Variants in FOXP2 observed in about 807,000 individuals in gnomAD.
The protein encoded by FOXP2 is forkhead box protein P2.
Under a neutral mutation model 115.8 loss-of-function variants are expected in FOXP2, and 12 were observed. The observed-to-expected ratio is 0.10, with a 90% CI of 0.07 to 0.17. The LOEUF is 0.17. Ranked by LOEUF, FOXP2 falls within the 10% of genes least tolerant of loss-of-function variation. The probability of loss-of-function intolerance (pLI) is 1.00; values close to 1 mark genes in which losing one functional copy is unlikely to be tolerated. For synonymous variants in FOXP2, 328 were observed against 297.7 expected (o/e 1.10, Z -1.05); for missense variants, 629 against 843.5 (o/e 0.75, Z 3.15).
intron 5 of FOXP2, 143 bp downstream of exon 5, chr7:114,630,148 C>A: frequency 1.4e-6 from 2 of 1,398,810 alleles, no homozygotes; most frequent in South Asian, 1.2e-5. Flanking sequence ...AGCTTAGTAA[C>A]AGTGATAGGC....
At chr7:114,301,153 A>G (rs1216581160) in intron 2 of FOXP2, among the ~76,000 whole-genome samples, 1 of 152,090 alleles carries the variant, frequency 6.6e-6, no homozygotes, top group Non-Finnish European at 1.5e-5. Flanking sequence ...TTAACAGCCA[A>G]AAAGAGTGAT....
At chr7:114,390,023 CAAAA>C (rs11311566) in intron 2 of FOXP2, among the ~76,000 whole-genome samples, 1 of 93,186 alleles carries the variant, frequency 1.1e-5, no homozygotes, top group Admixed American at 1.4e-4. Flanking sequence ...CATTCAGTGT[CAAAA>C]AAAAAAAAAA....
intron 2 of FOXP2, among the ~76,000 whole-genome samples, chr7:114,328,941 G>C (rs1797628123): frequency 6.6e-6 from 1 of 152,132 alleles, no homozygotes; most frequent in Admixed American, 6.5e-5. Flanking sequence ...ACATTATGCT[G>C]ATGACCATGA....
chr7:114,353,719 T>C (rs562411805), intron 2 of FOXP2, among the ~76,000 whole-genome samples: 3 of 152,248 alleles, frequency 2.0e-5, no homozygotes, highest in Admixed American at 6.5e-5. Context: ...GATGTCTTTC[T>C]ACTCCTCCTC....
At chr7:114,181,656 T>C (rs1345267024) in intron 1 of FOXP2, among the ~76,000 whole-genome samples, 2 of 152,068 alleles carry the variant, frequency 1.3e-5, no homozygotes, top group Admixed American at 6.6e-5. Context: ...ATTTGAACTT[T>C]CACATGTCCA....
chr7:114,116,060 G>A (rs1791399853), intron 1 of FOXP2, among the ~76,000 whole-genome samples: 2 of 152,004 alleles, frequency 1.3e-5, no homozygotes, highest in Non-Finnish European at 2.9e-5. Context: ...AAGACTACTG[G>A]TTATATATTT....
chr7:114,212,016 T>A (rs947850990), intron 1 of FOXP2, among the ~76,000 whole-genome samples: 2 of 151,636 alleles, frequency 1.3e-5, no homozygotes, highest in African/African-American at 2.4e-5. Context: ...GGGGTTGCAG[T>A]GAGCTGAGAT....
At chr7:114,479,839 T>G (rs780915708) in intron 2 of FOXP2, among the ~76,000 whole-genome samples, 1 of 151,538 alleles carries the variant, frequency 6.6e-6, no homozygotes, top group Non-Finnish European at 1.5e-5. Context: ...TTACCAATTG[T>G]TAACTAATGA....
intron 2 of FOXP2, among the ~76,000 whole-genome samples, chr7:114,350,031 A>G (rs1021563679): frequency 2.6e-5 from 4 of 152,196 alleles, no homozygotes; most frequent in Non-Finnish European, 4.4e-5. Context: ...TCTATGTAGC[A>G]CTATATAACA....
intron 1 of FOXP2, among the ~76,000 whole-genome samples, chr7:114,234,824 TGTC>T (rs1794968849): frequency 6.6e-6 from 1 of 152,226 alleles, no homozygotes; most frequent in Non-Finnish European, 1.5e-5. Context: ...TCTTTTCTCT[TGTC>T]GTAGATCATA....
intron 1 of FOXP2, among the ~76,000 whole-genome samples, chr7:114,167,123 C>T (rs1053178938): frequency 6.6e-6 from 1 of 152,182 alleles, no homozygotes; most frequent in Non-Finnish European, 1.5e-5. Flanking sequence ...CACACAAAAA[C>T]TTGCACTAGA....
At chr7:114,248,709 C>T (rs1298616761) in intron 1 of FOXP2, among the ~76,000 whole-genome samples, 1 of 152,010 alleles carries the variant, frequency 6.6e-6, no homozygotes, top group Non-Finnish European at 1.5e-5. Context: ...TGGGGTTGAC[C>T]GTTTAGTAGA....
intron 2 of FOXP2, among the ~76,000 whole-genome samples, chr7:114,399,109 TTTTTC>T (rs949501160): frequency 6.0e-5 from 6 of 100,090 alleles, no homozygotes; most frequent in Admixed American, 1.2e-4. Flanking sequence ...TTTCTTTTTC[TTTTTC>T]TTTTTTTTTT....
At chr7:114,616,840 C>T (rs531545523) in intron 3 of FOXP2, among the ~76,000 whole-genome samples, 16 of 152,198 alleles carry the variant, frequency 1.1e-4, no homozygotes, top group African/African-American at 3.4e-4. Flanking sequence ...TTTGGCAGCT[C>T]GAGGCTGGAA....
chr7:114,508,069 C>T (rs1797909848), intron 2 of FOXP2, among the ~76,000 whole-genome samples: 1 of 151,926 alleles, frequency 6.6e-6, no homozygotes, highest in South Asian at 2.1e-4. Flanking sequence ...ACATATTTCT[C>T]ACCCTGAAAG....
At chr7:114,313,767 A>AT (rs1315489456) in intron 2 of FOXP2, among the ~76,000 whole-genome samples, 3 of 151,292 alleles carry the variant, frequency 2.0e-5, no homozygotes, top group African/African-American at 7.3e-5. Flanking sequence ...AAAAAACAAA[A>AT]ATATTGTCAT....
At chr7:114,178,570 CT>C (rs1198952838) in intron 1 of FOXP2, among the ~76,000 whole-genome samples, 10 of 151,814 alleles carry the variant, frequency 6.6e-5, no homozygotes, top group African/African-American at 2.4e-4. Context: ...ATAATTTTAA[CT>C]TGATAATGCC....
intron 1 of FOXP2, among the ~76,000 whole-genome samples, chr7:114,197,072 C>G (rs1366630705): frequency 6.6e-6 from 1 of 152,086 alleles, no homozygotes; most frequent in Non-Finnish European, 1.5e-5. Context: ...GTGGCATGCA[C>G]CTGTGATCTC....
chr7:114,275,016 T>C (rs777526051), intron 1 of FOXP2, among the ~76,000 whole-genome samples: 11 of 152,086 alleles, frequency 7.2e-5, no homozygotes, highest in Non-Finnish European at 1.3e-4. Context: ...AGGGAGAAAT[T>C]AGATGTAATT....
Sources: gnomAD v4.1 joint callset for allele counts (sites outside exome capture counted in the v4.1 genomes callset) on GRCh38, gnomAD v4.1.1 for gene constraint, MANE v1.5 for transcripts, NCBI Gene and HGNC (gene_info 2026-07-23, HGNC 2026-07-21) for gene names.